Variants in TRPM6 observed in about 807,000 individuals in gnomAD.
TRPM6 encodes the protein channel kinase 2.
Under a neutral mutation model 247.6 loss-of-function variants are expected in TRPM6, and 111 were observed. The ratio of observed to expected loss-of-function variants is 0.45; its 90% CI spans 0.38 to 0.52. TRPM6 has a LOEUF of 0.52. Ranked by LOEUF, TRPM6 falls within the 20% of genes least tolerant of loss-of-function variation. TRPM6 has a pLI of 0.00. For synonymous variants in TRPM6, 892 were observed against 853.8 expected (o/e 1.04, Z -0.78); for missense variants, 2,126 against 2,421.5 (o/e 0.88, Z 2.56).
intron 9 of TRPM6, among the ~76,000 whole-genome samples, chr9:74,819,045 T>C (rs770822014): frequency 4.6e-5 from 7 of 152,184 alleles, no homozygotes; most frequent in Non-Finnish European, 1.0e-4. Context: ...CAGTGGCTTA[T>C]GCCTGCAATC....
intron 6 of TRPM6, among the ~76,000 whole-genome samples, chr9:74,829,919 G>T (rs1340658281): frequency 6.6e-6 from 1 of 151,932 alleles, no homozygotes; most frequent in African/African-American, 2.4e-5. Context: ...GAGGCCAAGG[G>T]TTCAAAACCA....
chr9:74,791,034 T>C (rs1408048212), intron 19 of TRPM6, among the ~76,000 whole-genome samples: 1 of 152,192 alleles, frequency 6.6e-6, no homozygotes, highest in Non-Finnish European at 1.5e-5. Context: ...GGTGGGCAGA[T>C]CTGGCTGGTT....
intron 5 of TRPM6, among the ~76,000 whole-genome samples, chr9:74,839,156 A>C (rs1829832000): frequency 6.6e-6 from 1 of 151,964 alleles, no homozygotes; most frequent in African/African-American, 2.4e-5. Flanking sequence ...TTAGTAACAA[A>C]CTGGTAAGAG....
chr9:74,755,918 C>T (rs1463934581), intron 27 of TRPM6, among the ~76,000 whole-genome samples: 1 of 152,178 alleles, frequency 6.6e-6, no homozygotes, highest in Non-Finnish European at 1.5e-5. Context: ...AATTCTAGCC[C>T]TGTCATTTAG....
intron 19 of TRPM6, among the ~76,000 whole-genome samples, chr9:74,789,960 C>CA (rs71368680): frequency 0.17 from 10,689 of 64,548 alleles, 1,964 homozygotes; most frequent in East Asian, 0.37. Context: ...GACTCCATCT[C>CA]AAAAAAAAAA....
At chr9:74,830,782 G>C (rs1176315711) in intron 6 of TRPM6, among the ~76,000 whole-genome samples, 2 of 52,896 alleles carry the variant, frequency 3.8e-5, no homozygotes, top group Non-Finnish European at 6.9e-5. Context: ...TTTTTTTGTA[G>C]ACAAGGGTTT....
chr9:74,886,900 C>A (rs1381492807), intron 1 of TRPM6, among the ~76,000 whole-genome samples: 1 of 152,202 alleles, frequency 6.6e-6, no homozygotes, highest in Non-Finnish European at 1.5e-5. Context: ...ATGTTCTTAT[C>A]AGAGCAGGCT....
chr9:74,827,967 C>T lies in TRPM6; in HGVS notation c.670-18G>A. On this transcript the variant is annotated intron_variant, in intron 6 of 38. Coordinates refer to ENST00000360774, the MANE Select transcript of TRPM6 (RefSeq NM_017662.5). ...CACACCACCTGAGAGACAGCAAGGACAAGGGAGGGTCAGAGCTCTAGATCC... is the reference window on the plus strand; with the variant it reads ...CACACCACCTGAGAGACAGCAAGGATAAGGGAGGGTCAGAGCTCTAGATCC... 30 of 1,613,280 alleles carry T rather than the reference C, an allele frequency of 1.9e-5. No homozygotes were observed. The highest frequency in any genetic ancestry group is 2.5e-5 in the Non-Finnish European group (30 of 1,179,444).
intron 36 of TRPM6, among the ~76,000 whole-genome samples, chr9:74,736,674 ATGATGTCCACTCTTTCCTTCTT>A (rs1825706674): frequency 6.6e-6 from 1 of 152,122 alleles, no homozygotes; most frequent in African/African-American, 2.4e-5. Flanking sequence ...CATTCATTCT[ATGATGTCCACTCTTTCCTTCTT>A]TGAAGGTCAA....
chr9:74,771,561 G>C, intron 25 of TRPM6, 142 bp downstream of exon 25: 1 of 764,550 alleles, frequency 1.3e-6, no homozygotes, highest in Non-Finnish European at 2.1e-6. Context: ...TTGATTACAT[G>C]AATATTATAT....
At chr9:74,841,162 ATCG>A (rs1829925375) in intron 4 of TRPM6, among the ~76,000 whole-genome samples, 1 of 152,244 alleles carries the variant, frequency 6.6e-6, no homozygotes, top group South Asian at 2.1e-4. Context: ...CATCTCTTTA[ATCG>A]TCAATGTAAG....
chr9:74,842,748 A>G (rs989767841), intron 3 of TRPM6, among the ~76,000 whole-genome samples: 3 of 152,250 alleles, frequency 2.0e-5, no homozygotes, highest in Admixed American at 1.3e-4. Context: ...AACAACGTAC[A>G]TAACTTAATT....
At chr9:74,773,565 A>G (rs1247538746) in intron 24 of TRPM6, among the ~76,000 whole-genome samples, 1 of 152,236 alleles carries the variant, frequency 6.6e-6, no homozygotes, top group Non-Finnish European at 1.5e-5. Context: ...GTTGCCTAAT[A>G]GAATAATATA....
chr9:74,859,677 G>A (rs1421404126), intron 1 of TRPM6, among the ~76,000 whole-genome samples: 2 of 151,920 alleles, frequency 1.3e-5, no homozygotes, highest in Non-Finnish European at 2.9e-5. Context: ...AGGAGGCTGA[G>A]GCATGAGAAT....
At chr9:74,848,988 T>C (rs568159045) in intron 3 of TRPM6, among the ~76,000 whole-genome samples, 60 of 152,286 alleles carry the variant, frequency 3.9e-4, no homozygotes, top group African/African-American at 1.3e-3. Flanking sequence ...ACTGAATTGT[T>C]TTCTGACAAA....
At chr9:74,732,836 C>A in intron 36 of TRPM6, 100 bp from the exon 37 acceptor site, 1 of 915,218 alleles carries the variant, frequency 1.1e-6, no homozygotes, top group South Asian at 1.5e-5. Context: ...ATTTAAAACT[C>A]ACAGTCACTC....
Position 74,723,415 on chromosome 9 carries a change from T to A in TRPM6, c.*1198A>T, listed in dbSNP as rs1263091971. On this transcript the variant is annotated 3_prime_UTR_variant, in exon 39 of 39. Transcript: ENST00000360774. ...AGTGGTGTTTTACAGGTTGAGTTAG[T>A]CAACTCCTAACTAATAGTACCCCTG... is the stretch of plus-strand genomic sequence containing the variant. 15 of 151,496 alleles carry A rather than the reference T, an allele frequency of 9.9e-5. No homozygotes were observed. In the East Asian group the frequency reaches 2.9e-3, roughly 29 times the overall value. The allele number at this position is 151,496 out of a possible 1,614,324, so 9.4% of individuals were successfully genotyped here. A position where few individuals can be genotyped will look rare whatever the true frequency, so the allele number is the denominator to read the frequency against.
chr9:74,844,214 G>C (rs750731881), intron 3 of TRPM6, among the ~76,000 whole-genome samples: 1 of 152,184 alleles, frequency 6.6e-6, no homozygotes, highest in African/African-American at 2.4e-5. Flanking sequence ...AGACTTGCTC[G>C]ATCCAAGGTT....
At chr9:74,800,027 C>T (rs781277324) in intron 17 of TRPM6, 91 of 559,838 alleles carry the variant, frequency 1.6e-4, no homozygotes, top group Non-Finnish European at 2.5e-4. Flanking sequence ...CAAAGCTGCA[C>T]GCTCTGTCGC....
Sources: allele counts gnomAD v4.1 joint callset (sites outside exome capture counted in the v4.1 genomes callset), GRCh38; gene constraint gnomAD v4.1.1; transcripts MANE v1.5; gene names NCBI Gene and HGNC (gene_info 2026-07-23, HGNC 2026-07-21).